MFSD12: variants seen among roughly 807,000 people sequenced by gnomAD.
MFSD12 encodes the protein major facilitator superfamily domain-containing protein 12.
MFSD12 carries 67 observed loss-of-function variants against 51.2 expected under a neutral mutation model. That is an observed-to-expected ratio of 1.31 (90% CI 1.08 to 1.60). The LOEUF (loss-of-function observed/expected upper bound fraction) is 1.60, where lower values mean the gene tolerates loss of function less well. Among genes scored for constraint, MFSD12 ranks in the 40% most tolerant of loss-of-function variants. The pLI, the probability that MFSD12 is intolerant of heterozygous loss-of-function variation, is 0.00. For synonymous variants in MFSD12, 441 were observed against 316.7 expected (o/e 1.39, Z -4.17); for missense variants, 921 against 673.0 (o/e 1.37, Z -4.08).
chr19:3,548,232 T>A lies in MFSD12; in HGVS notation c.545A>T (p.Tyr182Phe), dbSNP rs1017245766. The A allele has an allele frequency of 3.9e-6, 6 of 1,552,162 alleles. No homozygotes were observed. The highest frequency in any genetic ancestry group is 5.2e-6 in the Non-Finnish European group (6 of 1,148,844). The change falls in exon 3 of 10, where the codon TAC becomes TTC. Residue 182 changes from tyrosine to phenylalanine, a missense_variant. Physicochemically the swap from Tyr to Phe is conservative, Grantham distance 22 (BLOSUM62 3). Coordinates refer to ENST00000355415, the MANE Select transcript of MFSD12 (RefSeq NM_174983.5). ...GTGCAGCAGGAGCCAGGCGGCGCCGTAGACGGTGATGTTGGCCACCACGGT... is the reference window on the plus strand; with the variant it reads ...GTGCAGCAGGAGCCAGGCGGCGCCGAAGACGGTGATGTTGGCCACCACGGT... Reference protein sequence around the residue: ...AFTVVANITVYGAAWLLLHLQ... With the variant: ...AFTVVANITVFGAAWLLLHLQ...
At position 3,544,716 on chromosome 19, in the gene MFSD12, C is replaced by T; in HGVS notation, c.1437G>A (p.Arg479=). The T allele has an allele frequency of 6.2e-7, 1 of 1,601,240 alleles. No homozygotes were observed. The highest frequency in any genetic ancestry group is 1.1e-5 in the South Asian group (1 of 89,200). ...TRLRRWDRDA[R]P ...TGCAGGAGGCTGTCAGGAGTCAGGG[C>T]CGGGCATCACGGTCCCCTGCAAGGG... is the stretch of plus-strand genomic sequence containing the variant. The change falls in exon 10 of 10, where the codon CGG becomes CGA. Residue 479 remains arginine, a synonymous_variant. Transcript: ENST00000355415.
Position 3,557,313 on chromosome 19 carries a change from G to A in MFSD12, c.91C>T (p.Leu31Phe), listed in dbSNP as rs754152109. 5 of 1,588,920 alleles carry A rather than the reference G, an allele frequency of 3.1e-6. No homozygotes were observed. The highest frequency in any genetic ancestry group is 2.8e-5 in the African/African-American group (2 of 72,512). ...ARLSYAVGHF[L>F]NDLCASMWFT... ...CACATGGACGCGCACAGGTCGTTGA[G>A]GAAGTGGCCCACGGCGTAGCTCAGC... is the stretch of plus-strand genomic sequence containing the variant. The change falls in exon 1 of 10, where the codon CTC becomes TTC. Residue 31 changes from leucine (L) to phenylalanine (F), a missense_variant. By Grantham distance (22) the Leu-to-Phe change is conservative. Transcript: ENST00000355415.
At chr19:3,553,332 G>T (rs2031569315) in intron 1 of MFSD12, among the ~76,000 whole-genome samples, 1 of 152,088 alleles carries the variant, frequency 6.6e-6, no homozygotes, top group Admixed American at 6.6e-5. Context: ...TAGTGGCCAG[G>T]AGTGGTGGAT....
At chr19:3,541,779 G>A, downstream of MFSD12, 3 of 985,316 alleles carry the variant, frequency 3.0e-6, no homozygotes, top group Non-Finnish European at 3.6e-6. Context: ...GCAGGGGTGA[G>A]GGGCTCATTT....
Position 3,547,263 on chromosome 19 carries a change from C to G in MFSD12, c.1023+9G>C. 1 of 1,611,806 alleles carries G rather than the reference C, an allele frequency of 6.2e-7. No homozygotes were observed. Reference sequence around the variant, plus strand: ...CCGCCCCAGCTGTCCCCGGTCCCCGCCCACTCACGTTCCTCCCAATGCACT... The same window carrying G: ...CCGCCCCAGCTGTCCCCGGTCCCCGGCCACTCACGTTCCTCCCAATGCACT... On this transcript the variant is annotated intron_variant, in intron 6 of 9. Transcript: ENST00000355415.
Position 3,544,364 on chromosome 19 carries a change from G to C in MFSD12, c.*346C>G. On this transcript the variant is annotated 3_prime_UTR_variant, in exon 10 of 10. Transcript: ENST00000355415. Reference sequence around the variant, plus strand: ...GGCAGTGTCTGGAGACCCCCAGGCTGGAGGTGAGGGGTGAACTGGACTGAG... The same window carrying C: ...GGCAGTGTCTGGAGACCCCCAGGCTCGAGGTGAGGGGTGAACTGGACTGAG... 7.8e-7 allele frequency: 1 copy of C among 1,277,064 alleles called. No individual in the cohort carries two copies. The highest frequency in any genetic ancestry group is 9.9e-7 in the Non-Finnish European group (1 of 1,011,628). The allele number at this position is 1,277,064 out of a possible 1,614,324, so 79.1% of individuals were successfully genotyped here. A position where few individuals can be genotyped will look rare whatever the true frequency, so the allele number is the denominator to read the frequency against.
exon 5 of MFSD12, chr19:3,538,702 C>T (rs537187996): frequency 1.5e-4 from 73 of 473,742 alleles, no homozygotes; most frequent in East Asian, 7.6e-4. Context: ...CGGTGTTCTC[C>T]GCCTCGGGCT....
intron 8 of MFSD12, 131 bp from the exon 9 acceptor site, chr19:3,545,070 A>ACTCC (rs1029599844): frequency 8.5e-7 from 1 of 1,176,210 alleles, no homozygotes; most frequent in Non-Finnish European, 1.2e-6. Context: ...GGGCCCTGCC[A>ACTCC]CTCCCTCCCT....
downstream of MFSD12, among the ~76,000 whole-genome samples, chr19:3,540,505 C>T (rs1026123204): frequency 6.6e-6 from 1 of 151,698 alleles, no homozygotes; most frequent in Non-Finnish European, 1.5e-5. Context: ...ATCTGCCCTC[C>T]TTGGCCTCCC....
Position 3,547,317 on chromosome 19 carries a change from C to G in MFSD12, c.978G>C (p.Leu326Phe), listed in dbSNP as rs199656669. Residue 326 changes from leucine to phenylalanine, a missense_variant, in exon 6 of 10, where the codon TTG (leucine) becomes TTC (phenylalanine). Coordinates refer to ENST00000355415, the MANE Select transcript of MFSD12 (RefSeq NM_174983.5). The part of the protein sequence containing the change: ...IPLVMYLSGF[L>F]SSFLMKPINK... ...TGATGGGCTTCATGAGGAAGGAGGA[C>G]AAGAAGCCGCTGAGGTACATCACCA... 5.3e-4 allele frequency: 859 copies of G among 1,613,332 alleles called. 7 individuals carry two copies. The African/African-American group carries it at 0.01, about 19-fold the overall frequency.
chr19:3,545,808 G>A (rs542527826), intron 8 of MFSD12, among the ~76,000 whole-genome samples: 10 of 152,322 alleles, frequency 6.6e-5, no homozygotes, highest in South Asian at 2.1e-4. Flanking sequence ...ACACGGACTC[G>A]GGGCTCCCTT....
downstream of MFSD12, among the ~76,000 whole-genome samples, chr19:3,541,396 C>G (rs1202955156): frequency 6.6e-6 from 1 of 151,476 alleles, no homozygotes; most frequent in East Asian, 2.0e-4. Flanking sequence ...GATCTCAGCT[C>G]ACTGCAACCT....
chr19:3,556,573 G>T (rs1416333577), intron 1 of MFSD12, among the ~76,000 whole-genome samples: 3 of 151,116 alleles, frequency 2.0e-5, no homozygotes, highest in African/African-American at 7.3e-5. Flanking sequence ...ACAGATGGGG[G>T]AGGCACAGCA....
chr19:3,546,728 A>G (rs2145191452), intron 6 of MFSD12, among the ~76,000 whole-genome samples: 1 of 152,370 alleles, frequency 6.6e-6, no homozygotes, highest in Non-Finnish European at 1.5e-5. Flanking sequence ...TCAAGCCCTC[A>G]GTAGCTGCAC....
At position 3,551,234 on chromosome 19, in the gene MFSD12, A is replaced by G. The variant is rs1426327923; in HGVS notation, c.299-40T>C. The G allele has an allele frequency of 6.7e-7, 1 of 1,492,572 alleles. No individual in the cohort carries two copies. The allele number at this position is 1,492,572 out of a possible 1,614,324, so 92.5% of individuals were successfully genotyped here. A position where few individuals can be genotyped will look rare whatever the true frequency, so the allele number is the denominator to read the frequency against. ...GTGGTCAGTCGCGGGGCTGTCCCGC[A>G]CCAGCCAGGGCTCCCAGGGTGAGGA... On this transcript the variant is annotated intron_variant, in intron 1 of 9. Transcript: ENST00000355415. This position sits in a 1 kb window ranked among gnomAD's most constrained non-coding sequence, Gnocchi z 4.6.
intron 2 of MFSD12, 43 bp downstream of exon 2, chr19:3,550,941 C>G: frequency 1.9e-6 from 3 of 1,568,534 alleles, no homozygotes; most frequent in Non-Finnish European, 2.6e-6. Flanking sequence ...TACACCGAGC[C>G]GGGGCCCACC....
At chr19:3,541,730 C>T, downstream of MFSD12, 1 of 985,314 alleles carries the variant, frequency 1.0e-6, no homozygotes. Context: ...GGAGGAAACA[C>T]CAGAAAGTAG....
chr19:3,547,399 A>G (rs2031157431), intron 5 of MFSD12, 35 bp from the exon 6 acceptor site: 2 of 1,611,930 alleles, frequency 1.2e-6, no homozygotes, highest in African/African-American at 1.3e-5. Context: ...CGTGTCAGTC[A>G]TGGCTCGCCA....
In MFSD12 at chr19:3,557,516, C is replaced by G; in HGVS notation, c.-113G>C. ...GGGGACCCCCACCACGCGCCGGGCA[C>G]CCCGCGTCCCGCTCTCTTACGGCCG... is the stretch of plus-strand genomic sequence containing the variant. On this transcript the variant is annotated 5_prime_UTR_variant, in exon 1 of 10. Coordinates refer to ENST00000355415, the MANE Select transcript of MFSD12 (RefSeq NM_174983.5). The G allele has an allele frequency of 1.7e-6, 1 of 598,992 alleles. No homozygotes were observed. Among genetic ancestry groups the G allele is most frequent in the East Asian group, 6.6e-5 (1 of 15,048 alleles). 37.1% of individuals were successfully genotyped at this position (598,992 alleles called of 1,614,324 possible).
Sources: gnomAD v4.1 joint callset for allele counts (sites outside exome capture counted in the v4.1 genomes callset) on GRCh38, gnomAD v4.1.1 for gene constraint, Gnocchi (gnomAD v3.1) non-coding constraint, MANE v1.5 for transcripts, NCBI Gene and HGNC (gene_info 2026-07-23, HGNC 2026-07-21) for gene names.